ATAD3C: variants seen among roughly 807,000 people sequenced by gnomAD.
ATAD3C encodes the protein ATPase family AAA domain-containing protein 3C.
A neutral mutation model predicts 46.3 loss-of-function variants in ATAD3C; 38 were observed. The ratio of observed to expected loss-of-function variants is 0.82; its 90% confidence interval spans 0.63 to 1.08. ATAD3C has a LOEUF of 1.08. Ranked by LOEUF, ATAD3C falls within the 50% of genes least tolerant of loss-of-function variation. ATAD3C has a pLI of 0.00. For synonymous variants in ATAD3C, 220 were observed against 236.4 expected, an observed-to-expected ratio of 0.93 and a Z score of 0.63; for missense variants, 563 against 572.7, an observed-to-expected ratio of 0.98 and a Z score of 0.17.
chr1:1,467,532 C>A (rs535495901), intron 11 of ATAD3C, among the ~76,000 whole-genome samples: 1 of 152,046 alleles, frequency 6.6e-6, no homozygotes, highest in Non-Finnish European at 1.5e-5. Context: ...CAGGTTCTAT[C>A]GTGGTGACGG....
chr1:1,452,719 A>G (rs1167726767), intron 3 of ATAD3C, among the ~76,000 whole-genome samples: 5 of 151,412 alleles, frequency 3.3e-5, no homozygotes, highest in African/African-American at 1.2e-4. Context: ...GAATCACTTG[A>G]ACCCGGGAGG....
At chr1:1,455,603 G>C in intron 5 of ATAD3C, 84 bp downstream of exon 5, 1 of 1,599,548 alleles carries the variant, frequency 6.3e-7, no homozygotes, top group East Asian at 2.2e-5. Flanking sequence ...TGGCGCTCCT[G>C]GTGGCGCCCA....
At chr1:1,458,849 C>T (rs975316789) in intron 8 of ATAD3C, among the ~76,000 whole-genome samples, 10 of 151,646 alleles carry the variant, frequency 6.6e-5, no homozygotes, top group African/African-American at 1.7e-4. Context: ...CAGCCTCCCA[C>T]GTAGCTGGGA....
chr1:1,460,745 C>G lies in ATAD3C; in HGVS notation c.813-5C>G. 3 of 1,599,454 alleles carry G rather than the reference C, an allele frequency of 1.9e-6. No homozygotes were observed. The highest frequency in any genetic ancestry group is 2.6e-6 in the Non-Finnish European group (3 of 1,172,184). ...AGCGTTTCCTTCCCCATCCCCGCCCCGCAGATTCATGCTGATCCTGGCCAG... is the reference window on the plus strand; with the variant it reads ...AGCGTTTCCTTCCCCATCCCCGCCCGGCAGATTCATGCTGATCCTGGCCAG... On this transcript the variant is annotated splice_region_variant and splice_polypyrimidine_tract_variant and intron_variant, in intron 9 of 11. Transcript: ENST00000378785.
At chr1:1,464,397 A>T (rs1009511797) in intron 11 of ATAD3C, among the ~76,000 whole-genome samples, 4 of 151,778 alleles carry the variant, frequency 2.6e-5, no homozygotes, top group Non-Finnish European at 4.4e-5. Context: ...GGTGTCCCTT[A>T]TAAGGACACT....
chr1:1,460,568 G>T (rs1244985265), intron 9 of ATAD3C, among the ~76,000 whole-genome samples, 182 bp from the exon 10 acceptor site: 1 of 152,072 alleles, frequency 6.6e-6, no homozygotes, highest in Admixed American at 6.6e-5. Context: ...AGCTGGGCGT[G>T]GTGGGGCAGG....
At chr1:1,463,897 G>GT (rs565890462) in intron 11 of ATAD3C, among the ~76,000 whole-genome samples, 59 of 151,680 alleles carry the variant, frequency 3.9e-4, no homozygotes, top group African/African-American at 1.4e-3. Flanking sequence ...GGGTTACAGA[G>GT]TGAGACCCTG....
Position 1,462,392 on chromosome 1 carries a change from A to G in ATAD3C, c.981-208A>G. On this transcript the variant is annotated intron_variant, in intron 10 of 11. Transcript: ENST00000378785. The surrounding 1 kb of genome is among the most constrained non-coding windows in gnomAD (Gnocchi z 4.5). ...GCTGGTGTTAGGAAGGGGTGCGGCCATCTCCAGGCCCCACAGCCGCCCCCT... is the reference window on the plus strand; with the variant it reads ...GCTGGTGTTAGGAAGGGGTGCGGCCGTCTCCAGGCCCCACAGCCGCCCCCT... 1 of 521,480 alleles carries G rather than the reference A, an allele frequency of 1.9e-6. No homozygotes were observed. Among genetic ancestry groups the G allele is most frequent in the East Asian group, 3.7e-5 (1 of 27,086 alleles). The allele number at this position is 521,480 out of a possible 1,614,324, so 32.3% of individuals were successfully genotyped here.
In ATAD3C at chr1:1,469,823, T is replaced by C. The variant is rs1240979077; in HGVS notation, c.*1293T>C. 2.0e-5 allele frequency: 3 copies of C among 152,140 alleles called. No homozygotes were observed. Among genetic ancestry groups the C allele is most frequent in the East Asian group, 1.9e-4 (1 of 5,176 alleles). The allele number at this position is 152,140 out of a possible 1,614,324, so 9.4% of individuals were successfully genotyped here. ...TCATATCTCCTGTGACCTGCACTTA[T>C]ACATCCAGATGGCCTGAAGCAACTG... On this transcript the variant is annotated 3_prime_UTR_variant, in exon 12 of 12. Coordinates refer to ENST00000378785, the MANE Select transcript of ATAD3C (RefSeq NM_001039211.3).
chr1:1,462,236 A>G lies in ATAD3C; in HGVS notation c.981-364A>G, dbSNP rs920106919. ...CCCTTCCCTGGGCTCCCCGACACCC[A>G]TGGCTGCTCGTAGCTCTGGCACCAT... On this transcript the variant is annotated intron_variant, in intron 10 of 11. Transcript: ENST00000378785. The surrounding 1 kb of genome is among the most constrained non-coding windows in gnomAD (Gnocchi z 4.5). 5.3e-5 allele frequency among the ~76,000 whole-genome samples: 8 copies of G among 151,922 alleles called. No individual in the cohort carries two copies. The highest frequency in any genetic ancestry group is 1.3e-4 in the Admixed American group (2 of 15,208).
In ATAD3C at chr1:1,460,738, C is replaced by G; in HGVS notation, c.813-12C>G. 1.3e-6 allele frequency: 2 copies of G among 1,595,132 alleles called. No homozygotes were observed. Among genetic ancestry groups the G allele is most frequent in the Non-Finnish European group, 1.7e-6 (2 of 1,170,012 alleles). Reference sequence around the variant, plus strand: ...CAGCCCCAGCGTTTCCTTCCCCATCCCCGCCCCGCAGATTCATGCTGATCC... The same window carrying G: ...CAGCCCCAGCGTTTCCTTCCCCATCGCCGCCCCGCAGATTCATGCTGATCC... On this transcript the variant is annotated splice_polypyrimidine_tract_variant and intron_variant, in intron 9 of 11. Transcript: ENST00000378785.
intron 8 of ATAD3C, among the ~76,000 whole-genome samples, 198 bp from the exon 9 acceptor site, chr1:1,458,963 T>C (rs1020564479): frequency 2.0e-4 from 30 of 151,764 alleles, no homozygotes; most frequent in African/African-American, 6.1e-4. Flanking sequence ...TCGTGTGATC[T>C]GCCTGCCTCA....
rs1334830140 is a variant in ATAD3C at position 1,454,385 on chromosome 1, C to T, written c.263C>T (p.Ala88Val). Residue 88 changes from alanine (A) to valine (V), a missense_variant, in exon 4 of 12, where the codon GCC becomes GTC. Around this residue, in one of 3 missense-constraint regions of ATAD3C, gnomAD observed 263 missense variants for 243.1 expected, o/e 1.08. Transcript: ENST00000378785. ...CTGCTGGCTGTCGGGGTCTACTCAG[C>T]CAAGAATGCGACAGCCGTCACTGGC... Reference protein sequence around the residue: ...LTLLAVGVYSAKNATAVTGRY... With the variant: ...LTLLAVGVYSVKNATAVTGRY... 1.3e-5 allele frequency: 21 copies of T among 1,602,470 alleles called. No individual in the cohort carries two copies. The highest frequency in any genetic ancestry group is 1.8e-5 in the Non-Finnish European group (21 of 1,176,418).
Position 1,452,116 on chromosome 1 carries a change from C to T in ATAD3C, c.146C>T (p.Ser49Phe). 1.9e-6 allele frequency: 3 copies of T among 1,613,482 alleles called. No homozygotes were observed. Among genetic ancestry groups the T allele is most frequent in the Non-Finnish European group, 2.5e-6 (3 of 1,179,602 alleles). Residue 49 changes from serine (S) to phenylalanine (F), a missense_variant, in exon 2 of 12, where the codon TCC becomes TTC. Coordinates refer to ENST00000378785, the MANE Select transcript of ATAD3C (RefSeq NM_001039211.3). ...AAGCACCATCAGACCTTCTTGGAGT[C>T]CATCAGGTGAGCGCTGCCGAGGCCC... ...VQKHHQTFLESIRAAGTLFGE... is the reference protein window; with the variant it reads ...VQKHHQTFLEFIRAAGTLFGE...
At chr1:1,466,061 G>C (rs1639137490) in intron 11 of ATAD3C, among the ~76,000 whole-genome samples, 1 of 151,770 alleles carries the variant, frequency 6.6e-6, no homozygotes, top group Admixed American at 6.6e-5. Context: ...TGACCAACAT[G>C]GAGAAACCCC....
intron 4 of ATAD3C, 86 bp downstream of exon 4, chr1:1,454,586 C>G: frequency 6.7e-7 from 1 of 1,495,942 alleles, no homozygotes; most frequent in Admixed American, 2.2e-5. Context: ...GCATATACTC[C>G]TGTCCCTTCC....
In ATAD3C at chr1:1,455,458, A is replaced by G. The variant is rs533786071; in HGVS notation, c.379-2A>G. The G allele has an allele frequency of 1.6e-4, 251 of 1,611,584 alleles. No individual in the cohort carries two copies. In the East Asian group the frequency reaches 3.2e-3, roughly 21 times the overall value. ...CCAATGGTGCTTCCCCTTCCCCTCCAGCAGGTCAGCCGGCGGCTCCTCAGT... is the reference window on the plus strand; with the variant it reads ...CCAATGGTGCTTCCCCTTCCCCTCCGGCAGGTCAGCCGGCGGCTCCTCAGT... On this transcript the variant is annotated splice_acceptor_variant, in intron 4 of 11. Coordinates refer to ENST00000378785, the MANE Select transcript of ATAD3C (RefSeq NM_001039211.3). LOFTEE classifies it high-confidence loss of function.
At position 1,469,419 on chromosome 1, in the gene ATAD3C, T is replaced by C. The variant is rs1254462527; in HGVS notation, c.*889T>C. On this transcript the variant is annotated 3_prime_UTR_variant, in exon 12 of 12. Transcript: ENST00000378785. The stretch of plus-strand genomic sequence containing the variant: ...GTGAGCCAAGATCGCACCATTGCAC[T>C]CCAGCCTGGATGATAGAGTGAGACT... 8 of 127,482 alleles carry C rather than the reference T, an allele frequency of 6.3e-5. No homozygotes were observed. Among genetic ancestry groups the C allele is most frequent in the Admixed American group, 9.6e-5 (1 of 10,408 alleles). The allele number at this position is 127,482 out of a possible 1,614,324, so 7.9% of individuals were successfully genotyped here.
At chr1:1,450,803 G>T (rs1557775500) in intron 1 of ATAD3C, 45 bp downstream of exon 1, 5 of 1,608,396 alleles carry the variant, frequency 3.1e-6, no homozygotes, top group Middle Eastern at 2.1e-4. Flanking sequence ...CACACATGGG[G>T]TTCGGGCGTG....
Sources: gnomAD v4.1 joint callset for allele counts (sites outside exome capture counted in the v4.1 genomes callset) on GRCh38, gnomAD v4.1.1 for gene constraint, gnomAD v4.1.1 regional missense constraint, Gnocchi (gnomAD v3.1) non-coding constraint, MANE v1.5 for transcripts, NCBI Gene and HGNC (gene_info 2026-07-23, HGNC 2026-07-21) for gene names.